Variants in MED27 observed in about 807,000 individuals in gnomAD.
The protein encoded by MED27 is mediator of RNA polymerase II transcription subunit 27.
MED27 carries 30 observed loss-of-function variants against 38.2 expected under a neutral mutation model. The observed-to-expected ratio is 0.79, with a 90% confidence interval of 0.59 to 1.07. The LOEUF (loss-of-function observed/expected upper bound fraction) is 1.07. Ranked by LOEUF, MED27 falls within the 50% of genes least tolerant of loss-of-function variation. The probability of loss-of-function intolerance (pLI) is 0.00; values close to 1 mark genes in which losing one functional copy is unlikely to be tolerated. For synonymous variants in MED27, 122 were observed against 153.5 expected (o/e 0.79, Z 1.52); for missense variants, 289 against 397.5 (o/e 0.73, Z 2.32).
In MED27 at chr9:131,939,394, G is replaced by C; in HGVS notation, c.560C>G (p.Ser187Ter). ...AGCTGATCTTACCAGAAGCATTGCT[G>C]ATGTTCCATTGGGTCTGGATAAGTG... The part of the protein sequence containing the change: ...SIHLSRPNGT[S>*]AMLLVTLGKV... The change falls in exon 4 of 8, where the codon TCA becomes TGA. Residue 187 changes from serine (S) to a stop codon, truncating the protein, a stop_gained. Coordinates refer to ENST00000292035, the MANE Select transcript of MED27 (RefSeq NM_004269.4). LOFTEE classifies it high-confidence loss of function. 6.2e-7 allele frequency: 1 copy of C among 1,607,184 alleles called. No homozygotes were observed. The highest frequency in any genetic ancestry group is 8.5e-7 in the Non-Finnish European group (1 of 1,177,334).
At chr9:132,036,504 T>C (rs1471902085) in intron 2 of MED27, among the ~76,000 whole-genome samples, 2 of 152,168 alleles carry the variant, frequency 1.3e-5, no homozygotes, top group African/African-American at 4.8e-5. Context: ...GTCTGGCCGT[T>C]AACTGTTTTC....
chr9:132,045,427 C>G (rs1240836687), intron 2 of MED27, among the ~76,000 whole-genome samples: 2 of 151,006 alleles, frequency 1.3e-5, no homozygotes, highest in Non-Finnish European at 3.0e-5. Flanking sequence ...CACACACACA[C>G]ACACACACAC....
chr9:132,018,421 T>A (rs1832648931), intron 2 of MED27, among the ~76,000 whole-genome samples: 1 of 152,224 alleles, frequency 6.6e-6, no homozygotes. Flanking sequence ...ACTTAAATCT[T>A]GAGTTCAAGA....
chr9:131,932,533 A>G (rs1279915907), intron 4 of MED27, among the ~76,000 whole-genome samples: 1 of 152,130 alleles, frequency 6.6e-6, no homozygotes, highest in East Asian at 1.9e-4. Context: ...GGATAAATTC[A>G]TAGACACATA....
At chr9:131,950,356 G>A (rs73553069) in intron 3 of MED27, among the ~76,000 whole-genome samples, 3 of 152,134 alleles carry the variant, frequency 2.0e-5, no homozygotes, top group Non-Finnish European at 4.4e-5. Flanking sequence ...AGGAGCTGGC[G>A]AGGGCAGATG....
intron 4 of MED27, among the ~76,000 whole-genome samples, chr9:131,901,807 C>T (rs561599424): frequency 5.4e-4 from 82 of 152,312 alleles, no homozygotes; most frequent in Non-Finnish European, 1.1e-3. Context: ...AGGGCAGGTG[C>T]ATGCACACAG....
intron 3 of MED27, among the ~76,000 whole-genome samples, chr9:131,981,110 A>G (rs1831726691): frequency 6.6e-6 from 1 of 152,220 alleles, no homozygotes. Flanking sequence ...AAAGAACACC[A>G]CTGAAATTGT....
At chr9:131,877,877 T>C (rs572178989) in intron 6 of MED27, among the ~76,000 whole-genome samples, 1 of 152,294 alleles carries the variant, frequency 6.6e-6, no homozygotes, top group African/African-American at 2.4e-5. Flanking sequence ...AACTGAGTCT[T>C]CTAGGGCTGA....
At chr9:131,946,840 C>G (rs1830895458) in intron 3 of MED27, among the ~76,000 whole-genome samples, 3 of 152,232 alleles carry the variant, frequency 2.0e-5, no homozygotes, top group Admixed American at 2.0e-4. Flanking sequence ...GAGTTTTCAT[C>G]TTAAATGATG....
chr9:132,070,979 G>A (rs558843399), intron 2 of MED27, among the ~76,000 whole-genome samples: 2 of 152,298 alleles, frequency 1.3e-5, no homozygotes, highest in South Asian at 4.1e-4. Flanking sequence ...GGTGTGGGAG[G>A]CCTGGTGAGG....
chr9:131,992,474 T>A (rs1037656888), intron 3 of MED27, among the ~76,000 whole-genome samples: 1 of 152,160 alleles, frequency 6.6e-6, no homozygotes, highest in Non-Finnish European at 1.5e-5. Context: ...CACAGCTCAC[T>A]GCAACCTCGA....
chr9:132,044,612 T>C (rs929781997), intron 2 of MED27, among the ~76,000 whole-genome samples: 3 of 152,232 alleles, frequency 2.0e-5, no homozygotes, highest in African/African-American at 7.2e-5. Context: ...TAAGCTAACT[T>C]TGTTTATCCT....
At chr9:131,900,305 A>G (rs1254597584) in intron 4 of MED27, among the ~76,000 whole-genome samples, 4 of 152,262 alleles carry the variant, frequency 2.6e-5, no homozygotes, top group Admixed American at 2.6e-4. Context: ...TTTTCCAGCA[A>G]TCGCCTGCCA....
intron 4 of MED27, among the ~76,000 whole-genome samples, chr9:131,909,131 C>CT (rs1197533572): frequency 1.3e-5 from 2 of 152,120 alleles, no homozygotes; most frequent in Admixed American, 1.3e-4. Context: ...GTAAGGAAGC[C>CT]TGCAGGCTTC....
At chr9:131,969,431 C>T (rs1419345318) in intron 3 of MED27, among the ~76,000 whole-genome samples, 1 of 152,084 alleles carries the variant, frequency 6.6e-6, no homozygotes, top group African/African-American at 2.4e-5. Flanking sequence ...GAGGTTTCTT[C>T]TTGCATTTTG....
rs1311643937 is a variant in MED27 at position 131,963,409 on chromosome 9, T to TG, written c.480-23936dup. ...AGTGGCAGGCCCCCTAACTTAAACA[T>TG]GAAAATTTTTAAAGCCCCCAGAAGC... On this transcript the variant is annotated intron_variant, in intron 3 of 7. Coordinates refer to ENST00000292035, the MANE Select transcript of MED27 (RefSeq NM_004269.4). 1.4e-4 allele frequency among the ~76,000 whole-genome samples: 21 copies of TG among 151,980 alleles called. No homozygotes were observed. The South Asian group carries it at 4.4e-3, about 32-fold the overall frequency.
intron 3 of MED27, among the ~76,000 whole-genome samples, chr9:131,966,211 A>AAC (rs1554761517): frequency 3.6e-5 from 5 of 139,914 alleles, no homozygotes; most frequent in Non-Finnish European, 4.6e-5. Context: ...AAAAAAAAAA[A>AAC]AAAACAAAAC....
rs151333894 is a variant in MED27 at position 132,040,738 on chromosome 9, C to T, written c.349-26271G>A. Among the ~76,000 whole-genome samples, 508 of 152,338 alleles carry T rather than the reference C, an allele frequency of 3.3e-3. 4 individuals carry two copies. Among genetic ancestry groups the T allele is most frequent in the African/African-American group, 0.011 (476 of 41,574 alleles). ...CAGCACATCTCTGTTTCTGCCGGTA[C>T]GCCCTGTGCACGTGCACACACACCG... On this transcript the variant is annotated intron_variant, in intron 2 of 7. Transcript: ENST00000292035.
At chr9:131,986,529 T>A (rs149399793) in intron 3 of MED27, among the ~76,000 whole-genome samples, 1 of 152,300 alleles carries the variant, frequency 6.6e-6, no homozygotes. Flanking sequence ...ACATTTACTA[T>A]GCTTAGGTAT....
Sources: gnomAD v4.1 joint callset for allele counts (sites outside exome capture counted in the v4.1 genomes callset) on GRCh38, gnomAD v4.1.1 for gene constraint, MANE v1.5 for transcripts, NCBI Gene and HGNC (gene_info 2026-07-23, HGNC 2026-07-21) for gene names.